YAF2: variants seen among roughly 807,000 people sequenced by gnomAD.
YAF2 encodes the protein YY1-associated factor 2.
In YAF2, 7 loss-of-function variants were observed where a neutral mutation model predicts 20.1. The ratio of observed to expected loss-of-function variants is 0.35; its 90% CI spans 0.20 to 0.65. The LOEUF (loss-of-function observed/expected upper bound fraction) is 0.65. YAF2 is among the 30% of genes least tolerant of loss of function. The pLI, the probability that YAF2 is intolerant of heterozygous loss-of-function variation, is 0.69. For missense variants in YAF2, 151 were observed against 219.2 expected, an observed-to-expected ratio of 0.69 and a Z score of 1.96; for synonymous variants, 74 against 76.0, an observed-to-expected ratio of 0.97 and a Z score of 0.14.
At chr12:42,163,068 C>A (rs1354596248) in intron 2 of YAF2, among the ~76,000 whole-genome samples, 1 of 152,052 alleles carries the variant, frequency 6.6e-6, no homozygotes, top group East Asian at 1.9e-4. Flanking sequence ...AGCCCTACCC[C>A]GCAGGATTTC....
At chr12:42,201,532 T>C (rs1240794452) in intron 2 of YAF2, among the ~76,000 whole-genome samples, 2 of 152,198 alleles carry the variant, frequency 1.3e-5, no homozygotes, top group Admixed American at 1.3e-4. Flanking sequence ...ATTGTGTGTG[T>C]CTCCTCCTAG....
intron 2 of YAF2, among the ~76,000 whole-genome samples, chr12:42,180,926 C>T (rs1239217068): frequency 1.1e-4 from 17 of 151,944 alleles, no homozygotes; most frequent in African/African-American, 1.9e-4. Context: ...CCAGCCTGGG[C>T]GACACAGCAA....
intron 2 of YAF2, among the ~76,000 whole-genome samples, chr12:42,166,105 G>A (rs990953324): frequency 3.9e-5 from 6 of 151,946 alleles, no homozygotes; most frequent in Non-Finnish European, 8.8e-5. Context: ...TTTTTAGGGG[G>A]TTTCACCATG....
intron 2 of YAF2, among the ~76,000 whole-genome samples, chr12:42,189,568 T>C (rs1430681788): frequency 6.6e-6 from 1 of 152,194 alleles, no homozygotes; most frequent in African/African-American, 2.4e-5. Context: ...AGTTTGCCAG[T>C]TAGACTTGTG....
At chr12:42,192,150 C>A (rs2137106657) in intron 2 of YAF2, among the ~76,000 whole-genome samples, 1 of 152,100 alleles carries the variant, frequency 6.6e-6, no homozygotes, top group Non-Finnish European at 1.5e-5. Context: ...AGAAAAATTA[C>A]ATGAGATAAA....
intron 2 of YAF2, among the ~76,000 whole-genome samples, chr12:42,169,224 T>C (rs759734612): frequency 2.0e-5 from 3 of 152,178 alleles, no homozygotes; most frequent in Non-Finnish European, 4.4e-5. Context: ...CTGTGTATCA[T>C]GACATTATTT....
chr12:42,227,110 CTG>C (rs1228604495), intron 2 of YAF2, among the ~76,000 whole-genome samples: 1 of 145,406 alleles, frequency 6.9e-6, no homozygotes, highest in Non-Finnish European at 1.5e-5. Context: ...GGCAGCGGAG[CTG>C]TCTCAGTCTT....
intron 2 of YAF2, chr12:42,233,676 T>C: frequency 2.8e-6 from 2 of 726,398 alleles, no homozygotes; most frequent in South Asian, 6.2e-5. Flanking sequence ...CACACCCAGC[T>C]AATTTTTTTA....
intron 2 of YAF2, among the ~76,000 whole-genome samples, chr12:42,216,041 T>G (rs1360193383): frequency 6.6e-6 from 1 of 152,138 alleles, no homozygotes; most frequent in Admixed American, 6.5e-5. Context: ...TGTTTTGGGA[T>G]TTTTTGTTGT....
chr12:42,161,280 C>T (rs2065793840), intron 3 of YAF2: 1 of 257,378 alleles, frequency 3.9e-6, no homozygotes, highest in African/African-American at 2.3e-5. Context: ...TAGGTTAAAA[C>T]CCATGCAATT....
chr12:42,226,398 C>T (rs1287729350), intron 2 of YAF2, among the ~76,000 whole-genome samples: 1 of 152,174 alleles, frequency 6.6e-6, no homozygotes. Context: ...TGCAGTGGTT[C>T]ATGCCTGTAA....
At chr12:42,228,396 C>G (rs2067840874) in intron 2 of YAF2, among the ~76,000 whole-genome samples, 2 of 64,494 alleles carry the variant, frequency 3.1e-5, no homozygotes, top group Admixed American at 1.3e-4. Flanking sequence ...GCCTCTCTGC[C>G]CGGCCAGCCG....
intron 2 of YAF2, among the ~76,000 whole-genome samples, chr12:42,182,735 A>C (rs74429169): frequency 6.6e-6 from 1 of 152,222 alleles, no homozygotes; most frequent in African/African-American, 2.4e-5. Context: ...TGAATTTTCC[A>C]TCTTAATATA....
chr12:42,235,107 T>C lies in YAF2; in HGVS notation c.152+2492A>G, dbSNP rs897977301. 4.1e-6 allele frequency: 4 copies of C among 985,810 alleles called. No individual in the cohort carries two copies. The African/African-American group carries it at 7.0e-5, about 17-fold the overall frequency. 61.1% of individuals were successfully genotyped at this position (985,810 alleles called of 1,614,324 possible). A position where few individuals can be genotyped will look rare whatever the true frequency, so the allele number is the denominator to read the frequency against. Reference sequence around the variant, plus strand: ...AGAATGGCTTAGACTTGGCCTAACATTTGGCAATGAGGCAGAATCAGTTCA... The same window carrying C: ...AGAATGGCTTAGACTTGGCCTAACACTTGGCAATGAGGCAGAATCAGTTCA... On this transcript the variant is annotated intron_variant, in intron 2 of 3. Coordinates refer to ENST00000534854, the MANE Select transcript of YAF2 (RefSeq NM_005748.6).
intron 2 of YAF2, among the ~76,000 whole-genome samples, chr12:42,199,969 A>G (rs912778202): frequency 1.3e-5 from 2 of 152,212 alleles, no homozygotes; most frequent in Admixed American, 6.5e-5. Context: ...AATCAATGGA[A>G]GACATCTCAA....
chr12:42,181,664 A>T (rs1297390386), intron 2 of YAF2, among the ~76,000 whole-genome samples: 1 of 152,238 alleles, frequency 6.6e-6, no homozygotes, highest in Non-Finnish European at 1.5e-5. Flanking sequence ...TCAAACTCAT[A>T]AAAATTGTTT....
intron 2 of YAF2, among the ~76,000 whole-genome samples, chr12:42,218,725 T>A (rs993003119): frequency 1.3e-5 from 2 of 152,158 alleles, no homozygotes; most frequent in Non-Finnish European, 2.9e-5. Context: ...TAATGTATAC[T>A]TTGATAGCAT....
At chr12:42,177,219 C>T (rs2066218690) in intron 2 of YAF2, among the ~76,000 whole-genome samples, 1 of 152,150 alleles carries the variant, frequency 6.6e-6, no homozygotes, top group African/African-American at 2.4e-5. Flanking sequence ...ATCTGATCTT[C>T]TATACTCTTC....
intron 2 of YAF2, among the ~76,000 whole-genome samples, chr12:42,223,265 G>A (rs1183648552): frequency 6.6e-6 from 1 of 151,834 alleles, no homozygotes; most frequent in Non-Finnish European, 1.5e-5. Flanking sequence ...GGAAGTTTCA[G>A]TCTACTGAAA....
Sources: gnomAD v4.1 joint callset for allele counts (sites outside exome capture counted in the v4.1 genomes callset) on GRCh38, gnomAD v4.1.1 for gene constraint, MANE v1.5 for transcripts, NCBI Gene and HGNC (gene_info 2026-07-23, HGNC 2026-07-21) for gene names.